Variants in CYFIP1 observed in about 807,000 individuals in gnomAD.
CYFIP1 encodes cytoplasmic FMR1-interacting protein 1.
A neutral mutation model predicts 163.5 loss-of-function variants in CYFIP1; 58 were observed. The observed-to-expected ratio is 0.35, with a 90% CI of 0.29 to 0.44. The LOEUF (loss-of-function observed/expected upper bound fraction) is 0.44. CYFIP1 is among the 20% of genes least tolerant of loss of function. The pLI is 1.00. For synonymous variants in CYFIP1, 663 were observed against 660.7 expected (o/e 1.00, Z -0.05); for missense variants, 1,338 against 1,653.8 (o/e 0.81, Z 3.31).
intron 14 of CYFIP1, among the ~76,000 whole-genome samples, chr15:22,918,454 A>C (rs1595599192): frequency 6.6e-6 from 1 of 152,130 alleles, no homozygotes; most frequent in Non-Finnish European, 1.5e-5. Context: ...GGATAAATGC[A>C]CCTTGTCCCG....
chr15:22,904,223 G>T (rs1022630467), intron 21 of CYFIP1: 1 of 436,896 alleles, frequency 2.3e-6, no homozygotes, highest in Non-Finnish European at 4.3e-6. Context: ...GCTGAGCCCC[G>T]GCCCTGCCCT....
intron 22 of CYFIP1, among the ~76,000 whole-genome samples, chr15:22,894,881 T>A (rs368356200): frequency 0.027 from 3,109 of 113,248 alleles, 62 homozygotes; most frequent in African/African-American, 0.064. Flanking sequence ...ATATATATTT[T>A]TTTTTTTTTT....
rs149030871 is a variant in CYFIP1, at chr15:22,970,804, T to C, written c.-7+9483A>G. On this transcript the variant is annotated intron_variant, in intron 1 of 30. Transcript: ENST00000617928. Reference sequence around the variant, plus strand: ...ACAGAAAAGTTAATTTGGCCTGGCGTGGTGGCTCACTCCTGTAATCCCAGC... The same window carrying C: ...ACAGAAAAGTTAATTTGGCCTGGCGCGGTGGCTCACTCCTGTAATCCCAGC... Among the ~76,000 whole-genome samples, 447 of 152,284 alleles carry C rather than the reference T, an allele frequency of 2.9e-3. 7 individuals are homozygous for C. The highest frequency in any genetic ancestry group is 0.01 in the African/African-American group (425 of 41,562).
intron 1 of CYFIP1, among the ~76,000 whole-genome samples, chr15:22,976,407 C>T (rs1474200814): frequency 6.6e-6 from 1 of 152,134 alleles, no homozygotes; most frequent in Non-Finnish European, 1.5e-5. Flanking sequence ...CCGCCCGCCT[C>T]GGCCTCCCAA....
rs58565266 is a variant in CYFIP1 at position 22,908,518 on chromosome 15, C to CTTTTTTTTTTTTTTTTT, written c.2388+659_2388+675dup. ...CTCTTGGTCCCTAAAGAAGATATTT[C>CTTTTTTTTTTTTTTTTT]TTTTTTTTTTTTTTTTTTTTTTTTT... On this transcript the variant is annotated intron_variant, in intron 21 of 30. Transcript: ENST00000617928. 5.3e-5 allele frequency among the ~76,000 whole-genome samples: 4 copies of CTTTTTTTTTTTTTTTTT among 75,480 alleles called. 1 individual carries two copies. The highest frequency in any genetic ancestry group is 2.4e-4 in the African/African-American group (4 of 16,762). 49.5% of individuals were successfully genotyped at this position (75,480 alleles called of 152,430 possible). A position where few individuals can be genotyped will look rare whatever the true frequency, so the allele number is the denominator to read the frequency against.
At position 22,903,830 on chromosome 15, in the gene CYFIP1, C is replaced by A; in HGVS notation, c.2464G>T (p.Asp822Tyr). 6.2e-7 allele frequency: 1 copy of A among 1,614,178 alleles called. No individual in the cohort carries two copies. The highest frequency in any genetic ancestry group is 8.5e-7 in the Non-Finnish European group (1 of 1,180,042). ...LSRYLTLDGF[D>Y]AMFREANHNV... ...TGGTTGGCCTCCCGGAACATGGCGTCGAAGCCGTCCAGCGTCAGGTACCGG... is the reference window on the plus strand; with the variant it reads ...TGGTTGGCCTCCCGGAACATGGCGTAGAAGCCGTCCAGCGTCAGGTACCGG... The change falls in exon 22 of 31, where the codon GAC becomes TAC. Residue 822 changes from aspartate to tyrosine, a missense_variant. Coordinates refer to ENST00000617928, the MANE Select transcript of CYFIP1 (RefSeq NM_014608.6).
At position 22,917,981 on chromosome 15, in the gene CYFIP1, TC is replaced by T. The variant is rs2061049837; in HGVS notation, c.1527-47del. On this transcript the variant is annotated intron_variant, in intron 14 of 30. Coordinates refer to ENST00000617928, the MANE Select transcript of CYFIP1 (RefSeq NM_014608.6). This position sits in a 1 kb window ranked among gnomAD's most constrained non-coding sequence, Gnocchi z 4.2. ...TCAGCAAGGCCCAGAGGCCGAGACCTCCAGCCTCACAATCACACCATCTCCT... is the reference window on the plus strand; with the variant it reads ...TCAGCAAGGCCCAGAGGCCGAGACCTCAGCCTCACAATCACACCATCTCCT... The T allele has an allele frequency of 6.3e-7, 1 of 1,587,916 alleles. No individual in the cohort carries two copies. The highest frequency in any genetic ancestry group is 1.1e-5 in the South Asian group (1 of 87,820).
intron 22 of CYFIP1, among the ~76,000 whole-genome samples, chr15:22,902,834 C>A (rs11857931): frequency 6.6e-6 from 1 of 152,054 alleles, no homozygotes; most frequent in African/African-American, 2.4e-5. Context: ...CCTGAACAGA[C>A]GACAGCCACA....
chr15:22,948,273 C>T (rs1020038081), intron 1 of CYFIP1, among the ~76,000 whole-genome samples: 11 of 152,140 alleles, frequency 7.2e-5, no homozygotes, highest in African/African-American at 2.4e-4. Context: ...CAAGCCCATC[C>T]TCAAGCTGCA....
chr15:22,948,485 C>G (rs949773312), intron 1 of CYFIP1, among the ~76,000 whole-genome samples: 4 of 152,166 alleles, frequency 2.6e-5, no homozygotes, highest in African/African-American at 9.7e-5. Context: ...ATAAAAATAT[C>G]AACATCCTCC....
At chr15:22,897,532 G>A (rs2060275883) in intron 22 of CYFIP1, among the ~76,000 whole-genome samples, 1 of 151,562 alleles carries the variant, frequency 6.6e-6, no homozygotes, top group Non-Finnish European at 1.5e-5. Context: ...CACCCAGGCT[G>A]GAGTGCAGTC....
chr15:22,922,947 A>G (rs949392838), intron 13 of CYFIP1, among the ~76,000 whole-genome samples: 8 of 151,890 alleles, frequency 5.3e-5, no homozygotes, highest in Admixed American at 1.3e-4. Context: ...AGCTGAGATC[A>G]TGCCACTGCA....
intron 12 of CYFIP1, among the ~76,000 whole-genome samples, chr15:22,927,483 CAA>C (rs1188331935): frequency 1.6e-4 from 9 of 57,488 alleles, no homozygotes; most frequent in African/African-American, 2.9e-4. Flanking sequence ...AACTCCGTCT[CAA>C]AAAAAAAAAA....
At chr15:22,955,252 C>T (rs1175068139) in intron 1 of CYFIP1, among the ~76,000 whole-genome samples, 1 of 152,316 alleles carries the variant, frequency 6.6e-6, no homozygotes, top group African/African-American at 2.4e-5. Flanking sequence ...GTGGAGGCCA[C>T]CCTGACACAT....
chr15:22,872,220 G>C (rs2059451444), intron 30 of CYFIP1, among the ~76,000 whole-genome samples: 1 of 151,028 alleles, frequency 6.6e-6, no homozygotes, highest in Admixed American at 6.6e-5. Flanking sequence ...ACTTGAACCT[G>C]GGCAGCAGAG....
intron 23 of CYFIP1, among the ~76,000 whole-genome samples, chr15:22,890,849 G>A (rs965836773): frequency 1.3e-5 from 2 of 151,666 alleles, no homozygotes; most frequent in African/African-American, 4.8e-5. Flanking sequence ...AGCGGAGGCC[G>A]CACCTGCCAA....
In CYFIP1 at chr15:22,943,272, T is replaced by A; in HGVS notation, c.470A>T (p.Tyr157Phe). 1 of 1,614,206 alleles carries A rather than the reference T, an allele frequency of 6.2e-7. No individual in the cohort carries two copies. Among genetic ancestry groups the A allele is most frequent in the Non-Finnish European group, 8.5e-7 (1 of 1,180,028 alleles). ...ERRKDFVSEA[Y>F]LITLGKFINM... ...GATGAATTTGCCCAGTGTGATCAGG[T>A]AGGCTTCTGACACGAAGTCCTTCCT... The change falls in exon 6 of 31, where the codon TAC becomes TTC. Residue 157 changes from tyrosine (Y) to phenylalanine (F), a missense_variant. Physicochemically the swap from Tyr to Phe is conservative, Grantham distance 22. Around this residue, in one of 4 missense-constraint regions of CYFIP1, gnomAD observed 186 missense variants for 288.3 expected, o/e 0.65. Transcript: ENST00000617928.
At chr15:22,885,722 G>T (rs546878075) in intron 23 of CYFIP1, among the ~76,000 whole-genome samples, 1 of 152,252 alleles carries the variant, frequency 6.6e-6, no homozygotes, top group African/African-American at 2.4e-5. Flanking sequence ...AACAGGGTGA[G>T]ACTCCATTTC....
rs186513486 is a variant in CYFIP1 at position 22,910,406 on chromosome 15, C to T, written c.2268+114G>A. On this transcript the variant is annotated intron_variant, in intron 20 of 30. Coordinates refer to ENST00000617928, the MANE Select transcript of CYFIP1 (RefSeq NM_014608.6). The stretch of plus-strand genomic sequence containing the variant: ...TGAACTCCTAACCTCAGGTGATCCG[C>T]CCACCTTGGCCTCCCAGTGTTGGGA... The T allele has an allele frequency of 1.7e-4, 138 of 788,708 alleles. 1 individual carries two copies. Among genetic ancestry groups the T allele is most frequent in the Admixed American group, 2.2e-5 (1 of 44,582 alleles). 48.9% of individuals were successfully genotyped at this position (788,708 alleles called of 1,614,324 possible).
Sources: allele counts gnomAD v4.1 joint callset (sites outside exome capture counted in the v4.1 genomes callset), GRCh38; gene constraint gnomAD v4.1.1; regional missense constraint gnomAD v4.1.1; non-coding constraint Gnocchi (gnomAD v3.1); transcripts MANE v1.5; gene names NCBI Gene and HGNC (gene_info 2026-07-23, HGNC 2026-07-21).